Variants in SETD7 observed in about 807,000 individuals in gnomAD.
SETD7 encodes the protein SET domain containing 7, histone lysine methyltransferase.
SETD7 carries 16 observed loss-of-function variants against 41.8 expected under a neutral mutation model. That is an observed-to-expected ratio of 0.38 (90% confidence interval 0.26 to 0.58). SETD7 has a LOEUF of 0.58. Among genes scored for constraint, SETD7 ranks in the 20% least tolerant of loss-of-function variants. SETD7 has a pLI of 0.64. For missense variants in SETD7, 346 were observed against 459.7 expected, an observed-to-expected ratio of 0.75 and a Z score of 2.26; for synonymous variants, 163 against 169.7, an observed-to-expected ratio of 0.96 and a Z score of 0.31.
In SETD7 at chr4:139,556,213, G is replaced by T; in HGVS notation, c.-76C>A. On this transcript the variant is annotated 5_prime_UTR_variant, in exon 1 of 8. Coordinates refer to ENST00000274031, the MANE Select transcript of SETD7 (RefSeq NM_030648.4). ...CTCTGGGTGCTCCCGGCGGCTGAGC[G>T]AGCTCTGGGGCTCGCGAGTTTGGAG... 6.8e-7 allele frequency: 1 copy of T among 1,481,428 alleles called. No individual in the cohort carries two copies. Among genetic ancestry groups the T allele is most frequent in the Non-Finnish European group, 9.1e-7 (1 of 1,093,966 alleles). 91.8% of individuals were successfully genotyped at this position (1,481,428 alleles called of 1,614,324 possible).
At chr4:139,529,272 C>T (rs1727415972) in intron 3 of SETD7, 52 bp from the exon 4 acceptor site, 3 of 1,455,620 alleles carry the variant, frequency 2.1e-6, no homozygotes, top group Non-Finnish European at 2.8e-6. Context: ...ATGTCTAGGA[C>T]ATGAGTCCCA....
chr4:139,520,487 C>T (rs1727149015), intron 5 of SETD7, 93 bp from the exon 6 acceptor site: 1 of 635,566 alleles, frequency 1.6e-6, no homozygotes, highest in African/African-American at 1.9e-5. Flanking sequence ...CTACTGATTC[C>T]AAAATGTCAA....
In SETD7 at chr4:139,555,988, G is replaced by A. The variant is rs1427336082; in HGVS notation, c.40+110C>T. ...GCCGGGCAACCGGCCACCCGTGTAGGGGACAGTGGCGGCCGCGGGGCCCGG... is the reference window on the plus strand; with the variant it reads ...GCCGGGCAACCGGCCACCCGTGTAGAGGACAGTGGCGGCCGCGGGGCCCGG... On this transcript the variant is annotated intron_variant, in intron 1 of 7. Coordinates refer to ENST00000274031, the MANE Select transcript of SETD7 (RefSeq NM_030648.4). This position sits in a 1 kb window ranked among gnomAD's most constrained non-coding sequence, Gnocchi z 4.0. 1.8e-6 allele frequency: 2 copies of A among 1,119,710 alleles called. No individual in the cohort carries two copies. The highest frequency in any genetic ancestry group is 3.3e-5 in the Admixed American group (1 of 30,686). 69.4% of individuals were successfully genotyped at this position (1,119,710 alleles called of 1,614,324 possible). A position where few individuals can be genotyped will look rare whatever the true frequency, so the allele number is the denominator to read the frequency against.
Position 139,511,398 on chromosome 4 carries a change from G to A in SETD7, c.*265C>T, listed in dbSNP as rs1579200595. 2.5e-5 allele frequency: 11 copies of A among 441,218 alleles called. No individual in the cohort carries two copies. The East Asian group carries it at 5.4e-4, about 22-fold the overall frequency. 27.3% of individuals were successfully genotyped at this position (441,218 alleles called of 1,614,324 possible). On this transcript the variant is annotated 3_prime_UTR_variant, in exon 8 of 8. Transcript: ENST00000274031. ...CCGAATGTGGTACAGATTTAGACTT[G>A]AACCACCAAAGAACATCACGCTGTC...
In SETD7 at chr4:139,555,973, C is replaced by A. The variant is rs1383718599; in HGVS notation, c.40+125G>T. The A allele has an allele frequency of 3.4e-5, 30 of 870,528 alleles. No individual in the cohort carries two copies. Among genetic ancestry groups the A allele is most frequent in the Non-Finnish European group, 6.2e-6 (4 of 646,116 alleles). 53.9% of individuals were successfully genotyped at this position (870,528 alleles called of 1,614,324 possible). On this transcript the variant is annotated intron_variant, in intron 1 of 7. Transcript: ENST00000274031. This position sits in a 1 kb window ranked among gnomAD's most constrained non-coding sequence, Gnocchi z 4.0. ...CGGGCCCCCGCCCGAGCCGGGCAAC[C>A]GGCCACCCGTGTAGGGGACAGTGGC...
chr4:139,530,292 T>C (rs1349109399), intron 3 of SETD7, among the ~76,000 whole-genome samples: 6 of 151,638 alleles, frequency 4.0e-5, no homozygotes, highest in African/African-American at 1.5e-4. Flanking sequence ...CTTGAGGATC[T>C]AGGAACAGCT....
At chr4:139,512,258 C>T (rs752565294) in intron 7 of SETD7, among the ~76,000 whole-genome samples, 4 of 152,200 alleles carry the variant, frequency 2.6e-5, no homozygotes, top group Non-Finnish European at 5.9e-5. Flanking sequence ...CATCAGATTA[C>T]GTGGCTGTAT....
Position 139,508,625 on chromosome 4 carries a change from C to T in SETD7, c.*3038G>A, listed in dbSNP as rs542213091. The T allele has an allele frequency of 6.6e-6, 1 of 152,346 alleles. No homozygotes were observed. Among genetic ancestry groups the T allele is most frequent in the East Asian group, 1.9e-4 (1 of 5,190 alleles). The allele number at this position is 152,346 out of a possible 1,614,324, so 9.4% of individuals were successfully genotyped here. A position where few individuals can be genotyped will look rare whatever the true frequency, so the allele number is the denominator to read the frequency against. ...TTGAGATTACAGTGTCGCACACACA[C>T]ATAGGCTCCCGCTGTTTTTCAGGAG... On this transcript the variant is annotated 3_prime_UTR_variant, in exon 8 of 8. Transcript: ENST00000274031.
At chr4:139,517,760 A>T (rs1244598753) in intron 7 of SETD7, 125 bp downstream of exon 7, 24 of 1,000,036 alleles carry the variant, frequency 2.4e-5, no homozygotes, top group Non-Finnish European at 2.9e-6. Flanking sequence ...GGCCGATAGC[A>T]GAGGACCCAT....
At chr4:139,543,456 T>C (rs1206679480) in intron 2 of SETD7, among the ~76,000 whole-genome samples, 2 of 152,178 alleles carry the variant, frequency 1.3e-5, no homozygotes, top group African/African-American at 4.8e-5. Flanking sequence ...TTTAAGAAGA[T>C]GAGGACGACC....
downstream of SETD7, among the ~76,000 whole-genome samples, chr4:139,493,250 G>A (rs1379064016): frequency 6.6e-6 from 1 of 152,354 alleles, no homozygotes; most frequent in East Asian, 1.9e-4. Context: ...CACCTCTGAT[G>A]AGGGCGGTGT....
intron 7 of SETD7, among the ~76,000 whole-genome samples, chr4:139,500,323 G>A (rs1006833802): frequency 1.3e-5 from 2 of 152,040 alleles, no homozygotes; most frequent in Non-Finnish European, 2.9e-5. Flanking sequence ...TTCCACCTGG[G>A]TCCCTACTCC....
chr4:139,521,375 G>C (rs1727177200), intron 5 of SETD7, among the ~76,000 whole-genome samples: 1 of 151,652 alleles, frequency 6.6e-6, no homozygotes, highest in Admixed American at 6.6e-5. Flanking sequence ...GCAGTGAGCT[G>C]AAATTGCACC....
At chr4:139,496,326 GTTCATTCCATTCGCT>G (rs1262557010) in exon 8 of SETD7, 15 of 700,122 alleles carry the variant, frequency 2.1e-5, no homozygotes, top group Admixed American at 4.0e-5. Flanking sequence ...AGTAGGCAGA[GTTCATTCCATTCGCT>G]TTTATCTTTT....
At chr4:139,511,961 A>G in intron 7 of SETD7, 118 bp from the exon 8 acceptor site, 1 of 1,450,680 alleles carries the variant, frequency 6.9e-7, no homozygotes, top group Non-Finnish European at 9.0e-7. Flanking sequence ...CACACCTGGT[A>G]TGTGCCCAAA....
At chr4:139,505,258 T>C (rs139409899), downstream of SETD7, among the ~76,000 whole-genome samples, 33 of 152,316 alleles carry the variant, frequency 2.2e-4, 1 homozygote, top group East Asian at 6.0e-3. Context: ...AATGAGGTAC[T>C]ATGTTGACTC....
chr4:139,504,507 C>T (rs1726657462), downstream of SETD7, among the ~76,000 whole-genome samples: 1 of 151,836 alleles, frequency 6.6e-6, no homozygotes, highest in South Asian at 2.1e-4. Flanking sequence ...ATTTCTTCTT[C>T]TTCCTCTTAT....
chr4:139,538,364 C>CT (rs1395368451), intron 2 of SETD7, among the ~76,000 whole-genome samples: 7 of 152,156 alleles, frequency 4.6e-5, no homozygotes, highest in African/African-American at 1.7e-4. Flanking sequence ...TGAAGTCTTG[C>CT]TGTCGCCTAG....
chr4:139,550,508 G>A (rs1033237606), intron 1 of SETD7, among the ~76,000 whole-genome samples: 1 of 152,088 alleles, frequency 6.6e-6, no homozygotes, highest in African/African-American at 2.4e-5. Context: ...TTAATATCCC[G>A]GATTAGTTTT....
Sources: gnomAD v4.1 joint callset for allele counts (sites outside exome capture counted in the v4.1 genomes callset) on GRCh38, gnomAD v4.1.1 for gene constraint, Gnocchi (gnomAD v3.1) non-coding constraint, MANE v1.5 for transcripts, NCBI Gene and HGNC (gene_info 2026-07-23, HGNC 2026-07-21) for gene names.